The following TICRR variants were observed in gnomAD, a reference collection of about 807,000 sequenced individuals.
The protein encoded by TICRR is TOPBP1 interacting checkpoint and replication regulator, also known as treslin.
A neutral mutation model predicts 178.1 loss-of-function variants in TICRR; 132 were observed. The observed-to-expected ratio is 0.74, with a 90% CI of 0.64 to 0.86. TICRR has a LOEUF of 0.86. Among genes scored for constraint, TICRR ranks in the 40% least tolerant of loss-of-function variants. The pLI is 0.00. For synonymous variants in TICRR, 991 were observed against 900.7 expected, an observed-to-expected ratio of 1.10 and a Z score of -1.79; for missense variants, 2,587 against 2,334.3, an observed-to-expected ratio of 1.11 and a Z score of -2.23.
rs1463490639 is a variant in TICRR at position 89,624,312 on chromosome 15, C to T, written c.4002C>T (p.Ser1334=). 6.2e-7 allele frequency: 1 copy of T among 1,614,192 alleles called. No individual in the cohort carries two copies. Among genetic ancestry groups the T allele is most frequent in the East Asian group, 2.2e-5 (1 of 44,886 alleles). Residue 1334 remains serine, a synonymous_variant, in exon 20 of 22, where the codon TCC becomes TCT. Transcript: ENST00000268138. ...GGAAATCTAAAATAGAGTGTCCTTCCCCAGGAGAACTGGATCAGAAAGAGC... is the reference window on the plus strand; with the variant it reads ...GGAAATCTAAAATAGAGTGTCCTTCTCCAGGAGAACTGGATCAGAAAGAGC... ...PFRKSKIECP[S]PGELDQKEPQ...
rs1962597340 is a variant in TICRR at position 89,575,677 on chromosome 15, C to G, written c.91C>G (p.Leu31Val). The G allele has an allele frequency of 7.5e-6, 12 of 1,597,888 alleles. No homozygotes were observed. Among genetic ancestry groups the G allele is most frequent in the East Asian group, 2.3e-5 (1 of 44,078 alleles). The change falls in exon 1 of 22, where the codon CTC becomes GTC. Residue 31 changes from leucine to valine, a missense_variant. Coordinates refer to ENST00000268138, the MANE Select transcript of TICRR (RefSeq NM_152259.4). ...SRVRRAALRL[L>V]TYLSCRFGLA... The stretch of plus-strand genomic sequence containing the variant: ...GGTCCGGCGGGCCGCCCTGCGCCTC[C>G]TCACCTATCTGAGTTGCCGATTCGG...
At chr15:89,584,006 T>C (rs1344858733) in intron 2 of TICRR, among the ~76,000 whole-genome samples, 2 of 152,200 alleles carry the variant, frequency 1.3e-5, no homozygotes, top group African/African-American at 4.8e-5. Context: ...TTATACTTAT[T>C]TCTAAGTCAT....
Position 89,580,357 on chromosome 15 carries a change from C to T in TICRR, c.655-2329C>T, listed in dbSNP as rs1962702443. On this transcript the variant is annotated intron_variant, in intron 1 of 21. Transcript: ENST00000268138. The stretch of plus-strand genomic sequence containing the variant: ...ACATCTTAACCTTTCATTTTATTAA[C>T]AGGGTTTTTTTGTTTGTTTTCCTGG... Among the ~76,000 whole-genome samples, 4 of 152,160 alleles carry T rather than the reference C, an allele frequency of 2.6e-5. No homozygotes were observed. The South Asian group carries it at 8.3e-4, about 31-fold the overall frequency.
chr15:89,626,424 C>T (rs1484949983), intron 21 of TICRR, among the ~76,000 whole-genome samples: 1 of 152,194 alleles, frequency 6.6e-6, no homozygotes, highest in Non-Finnish European at 1.5e-5. Flanking sequence ...GGTTTATCCG[C>T]ATGTTCTGTA....
At position 89,621,513 on chromosome 15, in the gene TICRR, G is replaced by C. The variant is rs769933134; in HGVS notation, c.3275G>C (p.Arg1092Thr). The change falls in exon 19 of 22, where the codon AGA becomes ACA. Residue 1092 changes from arginine to threonine, a missense_variant. By Grantham distance (71) the Arg-to-Thr change is moderately conservative (BLOSUM62 -1). Coordinates refer to ENST00000268138, the MANE Select transcript of TICRR (RefSeq NM_152259.4). ...TCAGCTCGAATGAAAAAGCGTTCAA[G>C]AAACACTTTGGATTCGGAGGTACCT... ...KGSARMKKRS[R>T]NTLDSEVPAA... 23 of 1,613,842 alleles carry C rather than the reference G, an allele frequency of 1.4e-5. No individual in the cohort carries two copies. Among genetic ancestry groups the C allele is most frequent in the Non-Finnish European group, 1.9e-5 (23 of 1,179,932 alleles).
chr15:89,610,808 ATTCT>A (rs1188228843), intron 15 of TICRR, among the ~76,000 whole-genome samples: 1 of 149,924 alleles, frequency 6.7e-6, no homozygotes, highest in African/African-American at 2.5e-5. Context: ...GTTTAATTCC[ATTCT>A]TTCTTTTTCT....
At position 89,592,063 on chromosome 15, in the gene TICRR, G is replaced by A; in HGVS notation, c.1428G>A (p.Glu476=). The change falls in exon 5 of 22, where the codon GAG becomes GAA. Residue 476 remains glutamate, a synonymous_variant. Transcript: ENST00000268138. The part of the protein sequence containing the change: ...DTASAASPVP[E]WAQQELGHTT... ...CTCCAATAGCTTCTCCTGTTCCAGA[G>A]TGGGCCCAGCAGGAGCTTGGCCACA... 1 of 1,611,272 alleles carries A rather than the reference G, an allele frequency of 6.2e-7. No individual in the cohort carries two copies.
At chr15:89,591,111 T>C (rs914116588) in intron 4 of TICRR, among the ~76,000 whole-genome samples, 2 of 152,212 alleles carry the variant, frequency 1.3e-5, no homozygotes, top group Non-Finnish European at 2.9e-5. Flanking sequence ...TATTTATTCT[T>C]GTACAAAGCC....
intron 7 of TICRR, among the ~76,000 whole-genome samples, chr15:89,596,789 C>A (rs1340362269): frequency 6.6e-6 from 1 of 152,088 alleles, no homozygotes; most frequent in Non-Finnish European, 1.5e-5. Context: ...CGTGTTGGAC[C>A]CTTAGATAGT....
In TICRR at chr15:89,624,808, T is replaced by A. The variant is rs1160183574; in HGVS notation, c.4498T>A (p.Ser1500Thr). Reference sequence around the variant, plus strand: ...AAGGACAGCAGATGCTGAGAAGTCTTCTCTGTCTCACCCTGGGATTCCCCC... The same window carrying A: ...AAGGACAGCAGATGCTGAGAAGTCTACTCTGTCTCACCCTGGGATTCCCCC... ...GLRTADAEKS[S>T]LSHPGIPPSP... The change falls in exon 20 of 22, where the codon TCT becomes ACT. Residue 1500 changes from serine to threonine, a missense_variant. Physicochemically the swap from Ser to Thr is moderately conservative, Grantham distance 58 (BLOSUM62 1). Transcript: ENST00000268138. 12 of 1,614,024 alleles carry A rather than the reference T, an allele frequency of 7.4e-6. No homozygotes were observed. The highest frequency in any genetic ancestry group is 9.3e-6 in the Non-Finnish European group (11 of 1,180,034).
chr15:89,625,908 C>G (rs777999716), intron 20 of TICRR, 28 bp from the exon 21 acceptor site: 33 of 1,546,726 alleles, frequency 2.1e-5, no homozygotes, highest in Admixed American at 1.8e-4. Context: ...TCTGGGGACG[C>G]TGCTCTTACT....
intron 1 of TICRR, among the ~76,000 whole-genome samples, chr15:89,577,041 A>T (rs1046096225): frequency 5.3e-5 from 8 of 151,684 alleles, no homozygotes; most frequent in South Asian, 2.1e-4. Flanking sequence ...CTACAGGCCC[A>T]CGCCACCATG....
At chr15:89,609,817 A>C (rs1260221117) in intron 15 of TICRR, among the ~76,000 whole-genome samples, 1 of 141,746 alleles carries the variant, frequency 7.1e-6, no homozygotes, top group Non-Finnish European at 1.6e-5. Flanking sequence ...TTTTCCCTCT[A>C]TTGGCTTTGG....
chr15:89,598,458 G>T (rs1264821773), intron 7 of TICRR, among the ~76,000 whole-genome samples: 1 of 152,000 alleles, frequency 6.6e-6, no homozygotes. Context: ...CGCCTCCCAG[G>T]TTCAAGTGAT....
At chr15:89,576,860 T>TATATATATATATAC (rs1555419112) in intron 1 of TICRR, among the ~76,000 whole-genome samples, 1 of 128,626 alleles carries the variant, frequency 7.8e-6, no homozygotes, top group Non-Finnish European at 1.6e-5. Flanking sequence ...TATATATATA[T>TATATATATATATAC]ACACACACAC....
chr15:89,599,395 A>C lies in TICRR; in HGVS notation c.1972A>C (p.Ile658Leu). The stretch of plus-strand genomic sequence containing the variant: ...CCAAAAGACTGTGGCCACAGGAGAA[A>C]TCATGTTGTATGCATGTGCTCGAAA... ...NYQKTVATGE[I>L]MLYACARNMI... Residue 658 changes from isoleucine (I) to leucine (L), a missense_variant, in exon 8 of 22, where the codon ATC becomes CTC. Coordinates refer to ENST00000268138, the MANE Select transcript of TICRR (RefSeq NM_152259.4). 3.7e-6 allele frequency: 6 copies of C among 1,613,948 alleles called. No individual in the cohort carries two copies. Among genetic ancestry groups the C allele is most frequent in the Non-Finnish European group, 5.1e-6 (6 of 1,179,940 alleles).
rs148265551 is a variant in TICRR, at chr15:89,591,238, C to A, written c.1412-809C>A. ...CCTCCCGGGTTCAAGCTTCTCCTGC[C>A]TGAACCTCCCGAATAGCTAGGAATA... On this transcript the variant is annotated intron_variant, in intron 4 of 21. Coordinates refer to ENST00000268138, the MANE Select transcript of TICRR (RefSeq NM_152259.4). Among the ~76,000 whole-genome samples, 39 of 152,280 alleles carry A rather than the reference C, an allele frequency of 2.6e-4. No individual in the cohort carries two copies. In the East Asian group the frequency reaches 7.6e-3, roughly 30 times the overall value.
At chr15:89,606,170 C>T (rs1002802172) in intron 13 of TICRR, among the ~76,000 whole-genome samples, 3 of 152,174 alleles carry the variant, frequency 2.0e-5, no homozygotes, top group Admixed American at 6.5e-5. Flanking sequence ...TATGCAGATC[C>T]GTTATATACA....
At position 89,595,555 on chromosome 15, in the gene TICRR, G is replaced by T; in HGVS notation, c.1844G>T (p.Arg615Ile). 6.2e-7 allele frequency: 1 copy of T among 1,614,164 alleles called. No homozygotes were observed. Among genetic ancestry groups the T allele is most frequent in the Non-Finnish European group, 8.5e-7 (1 of 1,180,032 alleles). Residue 615 changes from arginine to isoleucine, a missense_variant, in exon 7 of 22, where the codon AGA (arginine) becomes ATA (isoleucine). By Grantham distance (97) the Arg-to-Ile change is moderately conservative. Transcript: ENST00000268138. ...GGAATCCAAAAGATACCTAGTGGGA[G>T]AACAGTGGATAAATTGGAAGACAGA... ...EKGIQKIPSG[R>I]TVDKLEDRGR... is the part of the protein sequence containing the mutation.
Sources: gnomAD v4.1 joint callset for allele counts (sites outside exome capture counted in the v4.1 genomes callset) on GRCh38, gnomAD v4.1.1 for gene constraint, MANE v1.5 for transcripts, NCBI Gene and HGNC (gene_info 2026-07-23, HGNC 2026-07-21) for gene names.